Variants in DNAH14 observed in about 807,000 individuals in gnomAD.
DNAH14 encodes dynein axonemal heavy chain 14.
A neutral mutation model predicts 520.9 loss-of-function variants in DNAH14; 478 were observed. That is an observed-to-expected ratio of 0.92 (90% confidence interval 0.85 to 0.99). DNAH14 has a LOEUF of 0.99. Ranked by LOEUF, DNAH14 falls within the 50% of genes least tolerant of loss-of-function variation. DNAH14 has a pLI of 0.00. For missense variants in DNAH14, 4,831 were observed against 5,234.5 expected (o/e 0.92, Z 2.38); for synonymous variants, 1,581 against 1,757.2 (o/e 0.90, Z 2.51).
intron 17 of DNAH14, among the ~76,000 whole-genome samples, chr1:225,067,342 A>G (rs1440986411): frequency 2.0e-5 from 3 of 152,178 alleles, no homozygotes; most frequent in Non-Finnish European, 4.4e-5. Flanking sequence ...TATACATACC[A>G]TATTTTCTTT....
At chr1:225,394,115 G>T (rs558959595) in intron 84 of DNAH14, among the ~76,000 whole-genome samples, 1 of 152,278 alleles carries the variant, frequency 6.6e-6, no homozygotes, top group South Asian at 2.1e-4. Context: ...CACCGCGCCC[G>T]GCCACAGCGA....
rs552398321 is a variant in DNAH14 at position 225,233,027 on chromosome 1, A to C, written c.6518+1876A>C. ...ATGTGTCCATGTGTTCTCATCCTTC[A>C]GCTCCAACTTATAAGTGAGAACATG... is the stretch of plus-strand genomic sequence containing the variant. On this transcript the variant is annotated intron_variant, in intron 42 of 85. Transcript: ENST00000682510. Among the ~76,000 whole-genome samples, 9 of 152,226 alleles carry C rather than the reference A, an allele frequency of 5.9e-5. No individual in the cohort carries two copies. The South Asian group carries it at 1.9e-3, about 32-fold the overall frequency.
At chr1:225,286,318 C>T (rs1364071255) in intron 54 of DNAH14, among the ~76,000 whole-genome samples, 1 of 152,060 alleles carries the variant, frequency 6.6e-6, no homozygotes, top group African/African-American at 2.4e-5. Context: ...ATGTTCACAA[C>T]ACAAAGGACA....
At chr1:225,144,778 A>G in intron 29 of DNAH14, 150 bp downstream of exon 29, 6 of 681,872 alleles carry the variant, frequency 8.8e-6, no homozygotes, top group Non-Finnish European at 1.5e-5. Context: ...TAATTCATCA[A>G]TGATGTTTTG....
rs779265584 is a variant in DNAH14, at chr1:225,207,162, C to T, written c.6381C>T (p.Leu2127=). The change falls in exon 41 of 86, where the codon CTC becomes CTT. Residue 2127 remains leucine (L), a synonymous_variant. Transcript: ENST00000682510. ...PMEDITVVIT[L]CRILDAFFDF... Reference sequence around the variant, plus strand: ...AGGACATAACAGTCGTCATAACCCTCTGCAGAATTCTTGATGCTTTCTTTG... The same window carrying T: ...AGGACATAACAGTCGTCATAACCCTTTGCAGAATTCTTGATGCTTTCTTTG... 15 of 1,540,696 alleles carry T rather than the reference C, an allele frequency of 9.7e-6. No individual in the cohort carries two copies. The East Asian group carries it at 2.7e-4, about 28-fold the overall frequency.
intron 41 of DNAH14, among the ~76,000 whole-genome samples, chr1:225,217,179 T>C (rs1360838126): frequency 2.6e-5 from 4 of 152,196 alleles, no homozygotes; most frequent in Non-Finnish European, 2.9e-5. Flanking sequence ...CTCCAGACAC[T>C]GTTTGCCTGG....
rs1182969682 is a variant in DNAH14 at position 225,018,366 on chromosome 1, CA to C, written c.1108-5247del. ...GAAAAAAGAAGTTTAAAAATGAACA[CA>C]ACAGTTGAGAAATACGGGATTCTGT... On this transcript the variant is annotated intron_variant, in intron 10 of 85. Coordinates refer to ENST00000682510, the MANE Select transcript of DNAH14 (RefSeq NM_001367479.1). Among the ~76,000 whole-genome samples, 4 of 152,274 alleles carry C rather than the reference CA, an allele frequency of 2.6e-5. No individual in the cohort carries two copies. In the East Asian group the frequency reaches 7.7e-4, roughly 29 times the overall value.
intron 23 of DNAH14, among the ~76,000 whole-genome samples, chr1:225,116,909 A>G (rs1326534230): frequency 1.3e-5 from 2 of 152,182 alleles, no homozygotes; most frequent in African/African-American, 4.8e-5. Context: ...TGAGAGATAC[A>G]AAGAATCTGA....
chr1:225,092,841 A>G (rs2148667995), intron 21 of DNAH14, among the ~76,000 whole-genome samples: 1 of 152,248 alleles, frequency 6.6e-6, no homozygotes, highest in African/African-American at 2.4e-5. Flanking sequence ...CAAAGGGGAC[A>G]TTGCCACTGA....
intron 35 of DNAH14, among the ~76,000 whole-genome samples, chr1:225,160,165 A>G (rs1383950828): frequency 3.3e-5 from 5 of 152,152 alleles, no homozygotes; most frequent in African/African-American, 1.2e-4. Flanking sequence ...TCTTTTCAAT[A>G]TATCCTGTTC....
chr1:225,011,852 G>A (rs558858494), intron 10 of DNAH14, among the ~76,000 whole-genome samples: 14 of 142,076 alleles, frequency 9.9e-5, no homozygotes, highest in Middle Eastern at 3.9e-3. Flanking sequence ...GTCTTTGCAC[G>A]TGAGATGTGT....
Position 225,002,819 on chromosome 1 carries a change from C to G in DNAH14, c.867C>G (p.Asp289Glu). The part of the protein sequence containing the change: ...FLYHHLFLAD[D>E]LFQTCLVYIR... Reference sequence around the variant, plus strand: ...ACCACCATCTTTTTTTGGCTGATGACTTGTTTCAAACCTGTTTGGTTTATA... The same window carrying G: ...ACCACCATCTTTTTTTGGCTGATGAGTTGTTTCAAACCTGTTTGGTTTATA... Residue 289 changes from aspartate (D) to glutamate (E), a missense_variant, in exon 9 of 86, where the codon GAC becomes GAG. Asp to Glu is a conservative substitution (Grantham distance 45). Transcript: ENST00000682510. 6.5e-7 allele frequency: 1 copy of G among 1,548,992 alleles called. No individual in the cohort carries two copies. The highest frequency in any genetic ancestry group is 8.7e-7 in the Non-Finnish European group (1 of 1,145,744).
intron 1 of DNAH14, among the ~76,000 whole-genome samples, chr1:224,946,705 A>G (rs2059857091): frequency 6.6e-6 from 1 of 152,154 alleles, no homozygotes; most frequent in African/African-American, 2.4e-5. Context: ...TCTCTAGATC[A>G]GAAAATTGTT....
At chr1:224,980,778 C>A (rs928089749) in intron 8 of DNAH14, among the ~76,000 whole-genome samples, 2 of 152,020 alleles carry the variant, frequency 1.3e-5, no homozygotes, top group South Asian at 4.1e-4. Context: ...AACATACATC[C>A]GACCCAGTGC....
intron 27 of DNAH14, among the ~76,000 whole-genome samples, chr1:225,138,579 G>A (rs971407858): frequency 1.3e-5 from 2 of 152,314 alleles, no homozygotes; most frequent in East Asian, 1.9e-4. Flanking sequence ...CACCTGAGTG[G>A]CTCTTTTGCA....
chr1:224,993,714 C>T (rs2063207061), intron 8 of DNAH14, among the ~76,000 whole-genome samples: 1 of 151,264 alleles, frequency 6.6e-6, no homozygotes, highest in African/African-American at 2.4e-5. Flanking sequence ...TATTTCTTTC[C>T]TTCTGCTAAT....
chr1:224,942,310 G>T (rs9426147), intron 1 of DNAH14, among the ~76,000 whole-genome samples: 3 of 152,000 alleles, frequency 2.0e-5, no homozygotes, highest in African/African-American at 7.3e-5. Flanking sequence ...CTCTCTGTCC[G>T]TTATTGGTGT....
In DNAH14 at chr1:225,049,811, A is replaced by ATCT. The variant is rs770320266; in HGVS notation, c.1913-399_1913-398insTCT. Among the ~76,000 whole-genome samples the ATCT allele has an allele frequency of 5.8e-4, 74 of 126,734 alleles. No homozygotes were observed. The South Asian group carries it at 6.1e-3, about 10-fold the overall frequency. 83.1% of individuals were successfully genotyped at this position (126,734 alleles called of 152,430 possible). On this transcript the variant is annotated intron_variant, in intron 15 of 85. Transcript: ENST00000682510. Reference sequence around the variant, plus strand: ...CTATCTATCTATCTATCTATCTATCAATCATCTATCTATGCCTGTGGACAT... The same window carrying ATCT: ...CTATCTATCTATCTATCTATCTATCATCTATCATCTATCTATGCCTGTGGACAT...
chr1:225,199,204 C>A (rs2086512331), intron 38 of DNAH14, among the ~76,000 whole-genome samples: 1 of 152,090 alleles, frequency 6.6e-6, no homozygotes, highest in African/African-American at 2.4e-5. Context: ...TGTTTCATTT[C>A]CAGTTGAGCT....
Sources: gnomAD v4.1 joint callset for allele counts (sites outside exome capture counted in the v4.1 genomes callset) on GRCh38, gnomAD v4.1.1 for gene constraint, MANE v1.5 for transcripts, NCBI Gene and HGNC (gene_info 2026-07-23, HGNC 2026-07-21) for gene names.